Variants in TMEM132D observed in about 807,000 individuals in gnomAD.
TMEM132D encodes the protein transmembrane protein 132D, also known as mature OL transmembrane protein.
Under a neutral mutation model 62.3 loss-of-function variants are expected in TMEM132D, and 21 were observed. The ratio of observed to expected loss-of-function variants is 0.34; its 90% CI spans 0.24 to 0.49. The LOEUF (loss-of-function observed/expected upper bound fraction) is 0.49. TMEM132D is among the 20% of genes least tolerant of loss of function. The pLI is 0.99. For synonymous variants in TMEM132D, 621 were observed against 575.6 expected (o/e 1.08, Z -1.13); for missense variants, 1,346 against 1,402.8 (o/e 0.96, Z 0.65).
At chr12:129,576,201 G>C (rs920647460) in intron 2 of TMEM132D, among the ~76,000 whole-genome samples, 10 of 151,882 alleles carry the variant, frequency 6.6e-5, no homozygotes, top group Non-Finnish European at 8.8e-5. Context: ...GACCATCTCC[G>C]CGATAATGCT....
intron 1 of TMEM132D, among the ~76,000 whole-genome samples, chr12:129,781,547 TAG>T (rs1871120481): frequency 6.6e-6 from 1 of 152,204 alleles, no homozygotes; most frequent in East Asian, 1.9e-4. Flanking sequence ...CCCCCTCATG[TAG>T]AGAGTCCTGG....
chr12:129,577,129 A>G (rs528841430), intron 2 of TMEM132D, among the ~76,000 whole-genome samples: 4 of 151,924 alleles, frequency 2.6e-5, no homozygotes, highest in African/African-American at 9.7e-5. Context: ...ACTAAACACA[A>G]CGAAAAATAC....
At chr12:129,330,643 C>T (rs1869074060) in intron 4 of TMEM132D, among the ~76,000 whole-genome samples, 1 of 152,176 alleles carries the variant, frequency 6.6e-6, no homozygotes, top group Non-Finnish European at 1.5e-5. Flanking sequence ...GCATACTCTG[C>T]CCCGCTCCAT....
intron 1 of TMEM132D, among the ~76,000 whole-genome samples, chr12:129,769,590 C>T (rs1424771870): frequency 6.6e-6 from 1 of 152,162 alleles, no homozygotes; most frequent in Non-Finnish European, 1.5e-5. Flanking sequence ...ATGCCTAATA[C>T]TGCCCTCCAA....
At chr12:129,281,717 C>T (rs1038864649) in intron 4 of TMEM132D, among the ~76,000 whole-genome samples, 4 of 152,214 alleles carry the variant, frequency 2.6e-5, no homozygotes, top group African/African-American at 9.6e-5. Flanking sequence ...TCTGCATCCA[C>T]TGTGAAAGCT....
intron 1 of TMEM132D, among the ~76,000 whole-genome samples, chr12:129,737,941 C>T (rs80240854): frequency 0.013 from 1,987 of 152,308 alleles, 20 homozygotes; most frequent in Middle Eastern, 0.041. Context: ...CACAAAGACT[C>T]ACCTGCAACC....
intron 1 of TMEM132D, among the ~76,000 whole-genome samples, chr12:129,884,288 T>A (rs972487334): frequency 6.6e-6 from 1 of 152,220 alleles, no homozygotes; most frequent in African/African-American, 2.4e-5. Context: ...TAAAAAGTCT[T>A]CTCTGCAAAA....
chr12:129,823,471 T>A (rs1371244250), intron 1 of TMEM132D, among the ~76,000 whole-genome samples: 1 of 152,234 alleles, frequency 6.6e-6, no homozygotes, highest in Non-Finnish European at 1.5e-5. Flanking sequence ...GGAGTCCTCC[T>A]AAAATCCACA....
At chr12:129,541,159 C>T (rs1884640866) in intron 2 of TMEM132D, among the ~76,000 whole-genome samples, 2 of 152,152 alleles carry the variant, frequency 1.3e-5, no homozygotes, top group Admixed American at 1.3e-4. Context: ...CTTAGAACCA[C>T]TTACCTTATT....
chr12:129,769,784 A>G (rs1361351427), intron 1 of TMEM132D, among the ~76,000 whole-genome samples: 1 of 152,196 alleles, frequency 6.6e-6, no homozygotes, highest in Non-Finnish European at 1.5e-5. Flanking sequence ...GTGTTTATCC[A>G]GGGGGTAAAA....
intron 5 of TMEM132D, among the ~76,000 whole-genome samples, chr12:129,131,047 G>A (rs568676039): frequency 7.9e-5 from 12 of 152,058 alleles, no homozygotes; most frequent in African/African-American, 1.7e-4. Context: ...TAACATCAGC[G>A]ACCCAAACAC....
intron 5 of TMEM132D, among the ~76,000 whole-genome samples, chr12:129,114,002 C>A (rs936796483): frequency 1.3e-5 from 2 of 151,960 alleles, no homozygotes; most frequent in Non-Finnish European, 2.9e-5. Flanking sequence ...CTGGGAAGTG[C>A]CTGGAGACCA....
In TMEM132D at chr12:129,597,487, T is replaced by A. The variant is rs543645303; in HGVS notation, c.969-66282A>T. 3.3e-5 allele frequency among the ~76,000 whole-genome samples: 5 copies of A among 152,302 alleles called. No homozygotes were observed. The East Asian group carries it at 9.6e-4, about 29-fold the overall frequency. ...AGTAAAATGATTATAAAGGTAAGTG[T>A]TCCATCAAGATTCCCCAGAAGCAAA... On this transcript the variant is annotated intron_variant, in intron 2 of 8. Transcript: ENST00000422113.
chr12:129,826,648 C>T (rs926667767), intron 1 of TMEM132D, among the ~76,000 whole-genome samples: 25 of 152,142 alleles, frequency 1.6e-4, no homozygotes, highest in Non-Finnish European at 2.5e-4. Context: ...TGCCCCACAG[C>T]GGAAGGCTAT....
rs2137227468 is a variant in TMEM132D, at chr12:129,700,504, C to T, written c.274G>A (p.Val92Ile). The stretch of plus-strand genomic sequence containing the variant: ...AAAGGCCCGTAGCTGGCATTGAGGA[C>T]AGGCAGCCTCCTGGATTTGTAAATC... ...FLIYKSRRLPVLNASYGPFSI... is the reference protein window; with the variant it reads ...FLIYKSRRLPILNASYGPFSI... Residue 92 changes from valine to isoleucine, a missense_variant, in exon 2 of 9, where the codon GTC becomes ATC. Physicochemically the swap from Val to Ile is conservative, Grantham distance 29 (BLOSUM62 3). Coordinates refer to ENST00000422113, the MANE Select transcript of TMEM132D (RefSeq NM_133448.3). The T allele has an allele frequency of 6.2e-7, 1 of 1,614,158 alleles. No individual in the cohort carries two copies. Among genetic ancestry groups the T allele is most frequent in the Non-Finnish European group, 8.5e-7 (1 of 1,180,034 alleles).
intron 3 of TMEM132D, among the ~76,000 whole-genome samples, chr12:129,450,532 C>G (rs1391295451): frequency 1.3e-5 from 2 of 151,962 alleles, no homozygotes; most frequent in African/African-American, 4.8e-5. Context: ...CATGAAATTT[C>G]AAGTAAGAGT....
At chr12:129,481,089 G>C (rs1032552534) in intron 3 of TMEM132D, among the ~76,000 whole-genome samples, 1 of 151,986 alleles carries the variant, frequency 6.6e-6, no homozygotes, top group African/African-American at 2.4e-5. Flanking sequence ...GGAGGAAACA[G>C]AACAAGGTCC....
intron 4 of TMEM132D, among the ~76,000 whole-genome samples, chr12:129,285,442 G>A (rs539121148): frequency 3.3e-4 from 49 of 150,672 alleles, no homozygotes; most frequent in African/African-American, 8.8e-4. Context: ...CAGGAAAATC[G>A]CTTGGACCCG....
At chr12:129,539,830 A>G (rs1439916082) in intron 2 of TMEM132D, among the ~76,000 whole-genome samples, 1 of 152,174 alleles carries the variant, frequency 6.6e-6, no homozygotes, top group Non-Finnish European at 1.5e-5. Flanking sequence ...TTTCTCTACC[A>G]GCTCAAGAGA....
Sources: allele counts gnomAD v4.1 joint callset (sites outside exome capture counted in the v4.1 genomes callset), GRCh38; gene constraint gnomAD v4.1.1; transcripts MANE v1.5; gene names NCBI Gene and HGNC (gene_info 2026-07-23, HGNC 2026-07-21).